TEX2: variants seen among roughly 807,000 people sequenced by gnomAD.
The protein encoded by TEX2 is testis-expressed protein 2.
A neutral mutation model predicts 106.9 loss-of-function variants in TEX2; 53 were observed. The observed-to-expected ratio is 0.50, with a 90% CI of 0.40 to 0.62. The LOEUF (loss-of-function observed/expected upper bound fraction) is 0.62. Among genes scored for constraint, TEX2 ranks in the 20% least tolerant of loss-of-function variants. The pLI, the probability that TEX2 is intolerant of heterozygous loss-of-function variation, is 0.00. For synonymous variants in TEX2, 523 were observed against 534.8 expected (o/e 0.98, Z 0.30); for missense variants, 1,207 against 1,379.0 (o/e 0.88, Z 1.98).
chr17:64,161,587 G>C (rs1355664878), intron 7 of TEX2, among the ~76,000 whole-genome samples: 1 of 152,036 alleles, frequency 6.6e-6, no homozygotes, highest in East Asian at 1.9e-4. Flanking sequence ...TGTACCTTAG[G>C]CTAAAAATCA....
At chr17:64,249,004 G>A (rs1167419856) in intron 1 of TEX2, among the ~76,000 whole-genome samples, 1 of 151,314 alleles carries the variant, frequency 6.6e-6, no homozygotes, top group Non-Finnish European at 1.5e-5. Context: ...CACTGCACTT[G>A]AGACTGGGCA....
intron 4 of TEX2, among the ~76,000 whole-genome samples, chr17:64,191,325 T>C (rs1299587084): frequency 6.6e-6 from 1 of 152,184 alleles, no homozygotes; most frequent in Non-Finnish European, 1.5e-5. Flanking sequence ...TTTAAGTCCA[T>C]GAATAACATG....
chr17:64,213,278 C>T lies in TEX2; in HGVS notation c.940G>A (p.Gly314Ser), dbSNP rs199711081. 1.4e-4 allele frequency: 230 copies of T among 1,614,008 alleles called. No individual in the cohort carries two copies. The highest frequency in any genetic ancestry group is 1.8e-4 in the Non-Finnish European group (216 of 1,180,052). ...GATAAGGCTTTGGGCCTATGGCTGC[C>T]ACTTTCTTCCCCTATAATTTTACTA... ...LLSKIIGEES[G>S]SHRPKALSSS... is the part of the protein sequence containing the mutation. Residue 314 changes from glycine (G) to serine (S), a missense_variant, in exon 2 of 12, where the codon GGC becomes AGC. Gly to Ser is a moderately conservative substitution (Grantham distance 56). Around this residue, in one of 3 missense-constraint regions of TEX2, gnomAD observed 1,067 missense variants for 1,193.6 expected, o/e 0.89. Transcript: ENST00000584379. This position sits in a 1 kb window ranked among gnomAD's most constrained non-coding sequence, Gnocchi z 4.4.
chr17:64,186,708 T>G (rs2032088431), intron 5 of TEX2, among the ~76,000 whole-genome samples: 1 of 152,006 alleles, frequency 6.6e-6, no homozygotes, highest in Non-Finnish European at 1.5e-5. Context: ...CTCCAGCTAC[T>G]TGGGAGGCTG....
At position 64,205,319 on chromosome 17, in the gene TEX2, A is replaced by C. The variant is rs1314036596; in HGVS notation, c.1644+7255T>G. Among the ~76,000 whole-genome samples the C allele has an allele frequency of 6.6e-6, 1 of 152,174 alleles. No individual in the cohort carries two copies. Among genetic ancestry groups the C allele is most frequent in the Non-Finnish European group, 1.5e-5 (1 of 68,016 alleles). On this transcript the variant is annotated intron_variant, in intron 2 of 11. Coordinates refer to ENST00000584379, the MANE Select transcript of TEX2 (RefSeq NM_001288732.2). This position sits in a 1 kb window ranked among gnomAD's most constrained non-coding sequence, Gnocchi z 4.0. Reference sequence around the variant, plus strand: ...GCGACAGAGCGAGGCAAAACAAACAAACATACAAACAAACAAACATCTCAC... The same window carrying C: ...GCGACAGAGCGAGGCAAAACAAACACACATACAAACAAACAAACATCTCAC...
At position 64,236,163 on chromosome 17, in the gene TEX2, GA is replaced by G. The variant is rs782560106; in HGVS notation, c.-25-21922del. On this transcript the variant is annotated intron_variant, in intron 1 of 11. Coordinates refer to ENST00000584379, the MANE Select transcript of TEX2 (RefSeq NM_001288732.2). The stretch of plus-strand genomic sequence containing the variant: ...CAACTACAGATCGAAAATATTCGGG[GA>G]AAAAAAAATACAACTAAAAAAAAAT... 1.0e-4 allele frequency among the ~76,000 whole-genome samples: 15 copies of G among 146,536 alleles called. 1 individual carries two copies. The highest frequency in any genetic ancestry group is 2.3e-4 in the African/African-American group (9 of 39,838).
At chr17:64,200,339 T>C (rs868926601) in intron 2 of TEX2, among the ~76,000 whole-genome samples, 1 of 152,212 alleles carries the variant, frequency 6.6e-6, no homozygotes, top group Non-Finnish European at 1.5e-5. Context: ...TGCTACTCAA[T>C]TATTATTCCT....
intron 1 of TEX2, among the ~76,000 whole-genome samples, chr17:64,230,370 A>C (rs1476932685): frequency 6.6e-6 from 1 of 152,244 alleles, no homozygotes; most frequent in Non-Finnish European, 1.5e-5. Flanking sequence ...AGCCATGTTC[A>C]CAACTGGCAA....
intron 8 of TEX2, 34 bp downstream of exon 8, chr17:64,160,767 G>C: frequency 6.2e-7 from 1 of 1,610,962 alleles, no homozygotes; most frequent in Non-Finnish European, 8.5e-7. Context: ...GGTGCCCCAG[G>C]ATTGGATTAG....
intron 5 of TEX2, 24 bp from the exon 6 acceptor site, chr17:64,177,495 A>C: frequency 1.2e-6 from 2 of 1,608,454 alleles, no homozygotes; most frequent in Non-Finnish European, 1.7e-6. Flanking sequence ...AGGGACCAAA[A>C]TTAGCTAGAA....
Position 64,187,357 on chromosome 17 carries a change from C to T in TEX2, c.2424+811G>A, listed in dbSNP as rs573005352. ...TTCTGCAACAACCCCTAGTGATCAT[C>T]CAGTTGCTCAGGTCAAAGTGCAAAT... On this transcript the variant is annotated intron_variant, in intron 5 of 11. Coordinates refer to ENST00000584379, the MANE Select transcript of TEX2 (RefSeq NM_001288732.2). Among the ~76,000 whole-genome samples, 20 of 152,290 alleles carry T rather than the reference C, an allele frequency of 1.3e-4. No homozygotes were observed. In the South Asian group the frequency reaches 2.1e-3, roughly 16 times the overall value.
At chr17:64,224,272 A>C (rs187838599) in intron 1 of TEX2, among the ~76,000 whole-genome samples, 1 of 152,228 alleles carries the variant, frequency 6.6e-6, no homozygotes, top group Admixed American at 6.5e-5. Flanking sequence ...GGAAAAGGCT[A>C]TAAGATTCTG....
At chr17:64,179,695 A>T (rs2031770424) in intron 5 of TEX2, among the ~76,000 whole-genome samples, 1 of 151,984 alleles carries the variant, frequency 6.6e-6, no homozygotes, top group Admixed American at 6.6e-5. Flanking sequence ...TCACTGCATG[A>T]CTTTATATTT....
intron 1 of TEX2, among the ~76,000 whole-genome samples, chr17:64,235,371 T>G (rs1555635018): frequency 6.6e-6 from 1 of 152,202 alleles, no homozygotes; most frequent in African/African-American, 2.4e-5. Context: ...ACAGAAGCTT[T>G]CTGCAGGTGC....
At chr17:64,227,746 T>C (rs2143272572) in intron 1 of TEX2, among the ~76,000 whole-genome samples, 2 of 152,312 alleles carry the variant, frequency 1.3e-5, no homozygotes, top group Middle Eastern at 6.8e-3. Flanking sequence ...TCTGGCCCTC[T>C]GGCAAATCAT....
intron 1 of TEX2, among the ~76,000 whole-genome samples, chr17:64,219,090 G>C (rs999372354): frequency 5.3e-5 from 8 of 152,120 alleles, no homozygotes; most frequent in African/African-American, 1.9e-4. Context: ...TAACCAAGCA[G>C]ATGAGGAAAC....
chr17:64,253,170 G>T (rs1287444057), intron 1 of TEX2, among the ~76,000 whole-genome samples: 3 of 152,016 alleles, frequency 2.0e-5, no homozygotes, highest in Admixed American at 6.6e-5. Flanking sequence ...TTGAGACAGG[G>T]TCTCTGTCAC....
chr17:64,179,486 A>G (rs770762597), intron 5 of TEX2, among the ~76,000 whole-genome samples: 10 of 152,200 alleles, frequency 6.6e-5, no homozygotes, highest in East Asian at 1.9e-4. Flanking sequence ...GCTCTTCACA[A>G]TAAACCTTCC....
At chr17:64,237,974 C>A (rs2033807201) in intron 1 of TEX2, among the ~76,000 whole-genome samples, 1 of 152,126 alleles carries the variant, frequency 6.6e-6, no homozygotes, top group Non-Finnish European at 1.5e-5. Flanking sequence ...AAGTCACGAA[C>A]TTCTAACAAA....
Sources: gnomAD v4.1 joint callset for allele counts (sites outside exome capture counted in the v4.1 genomes callset) on GRCh38, gnomAD v4.1.1 for gene constraint, gnomAD v4.1.1 regional missense constraint, Gnocchi (gnomAD v3.1) non-coding constraint, MANE v1.5 for transcripts, NCBI Gene and HGNC (gene_info 2026-07-23, HGNC 2026-07-21) for gene names.